Variants in TENM2 observed in about 807,000 individuals in gnomAD.
The protein encoded by TENM2 is teneurin transmembrane protein 2, also known as teneurin-2.
Under a neutral mutation model 245.2 loss-of-function variants are expected in TENM2, and 52 were observed. The ratio of observed to expected loss-of-function variants is 0.21; its 90% CI spans 0.17 to 0.27. The LOEUF is 0.27. Among genes scored for constraint, TENM2 ranks in the 10% least tolerant of loss-of-function variants. The pLI is 1.00. For synonymous variants in TENM2, 1,363 were observed against 1,438.9 expected, an observed-to-expected ratio of 0.95 and a Z score of 1.19; for missense variants, 3,046 against 3,666.8, an observed-to-expected ratio of 0.83 and a Z score of 4.37.
chr5:167,819,697 A>ATGTG (rs1767349474), intron 2 of TENM2, among the ~76,000 whole-genome samples: 2 of 152,202 alleles, frequency 1.3e-5, no homozygotes, highest in Non-Finnish European at 2.9e-5. Flanking sequence ...TAACATGCCC[A>ATGTG]GCTCATAATG....
intron 1 of TENM2, among the ~76,000 whole-genome samples, chr5:167,314,947 C>G (rs1485083763): frequency 6.6e-6 from 1 of 151,610 alleles, no homozygotes; most frequent in African/African-American, 2.4e-5. Flanking sequence ...TCAGTTATAC[C>G]TCAGTCTTAC....
rs186504828 is a variant in TENM2 at position 167,356,290 on chromosome 5, T to C, written c.227-18908T>C. Among the ~76,000 whole-genome samples the C allele has an allele frequency of 2.4e-4, 36 of 151,054 alleles. 1 individual carries two copies. The highest frequency in any genetic ancestry group is 4.0e-4 in the Admixed American group (6 of 15,162). ...TCTATTCTCAGCTCTGTCAGAGATA[T>C]GCTTTGTGACTTCTGGAAAGCCCAG... On this transcript the variant is annotated intron_variant, in intron 1 of 28. Coordinates refer to ENST00000518659, the Ensembl canonical transcript of TENM2.
chr5:167,016,900 G>A, the TENM2 span, among the ~76,000 whole-genome samples: 2 of 152,148 alleles, frequency 1.3e-5, no homozygotes, highest in African/African-American at 4.8e-5. Flanking sequence ...TCTGGAGAAA[G>A]GAAGAATTAT....
At chr5:168,025,662 C>A (rs746978548) in intron 5 of TENM2, among the ~76,000 whole-genome samples, 4 of 152,120 alleles carry the variant, frequency 2.6e-5, no homozygotes, top group Non-Finnish European at 5.9e-5. Context: ...TTCCAAAGAG[C>A]AAACACAACT....
At chr5:167,830,206 G>A (rs1168125749) in intron 2 of TENM2, among the ~76,000 whole-genome samples, 1 of 152,156 alleles carries the variant, frequency 6.6e-6, no homozygotes, top group Non-Finnish European at 1.5e-5. Context: ...TATTTAGAAT[G>A]GACTGGATTG....
At chr5:167,330,601 C>A (rs192606325) in intron 1 of TENM2, among the ~76,000 whole-genome samples, 2,013 of 152,136 alleles carry the variant, frequency 0.013, 49 homozygotes, top group African/African-American at 0.046. Flanking sequence ...TGCTTCCATT[C>A]CACCAAGTGT....
At chr5:167,709,534 G>A (rs56322524) in intron 2 of TENM2, among the ~76,000 whole-genome samples, 11,716 of 152,212 alleles carry the variant, frequency 0.077, 878 homozygotes, top group East Asian at 0.27. Context: ...AAGAGATGGT[G>A]GCGGTCCAGA....
chr5:167,770,454 G>C (rs1763329319), intron 2 of TENM2, among the ~76,000 whole-genome samples: 1 of 152,162 alleles, frequency 6.6e-6, no homozygotes, highest in Non-Finnish European at 1.5e-5. Context: ...TAGGAGCTTT[G>C]TCTTGACTTT....
chr5:168,200,123 A>G, exon 17 of TENM2: 2 of 1,612,704 alleles, frequency 1.2e-6, no homozygotes, highest in South Asian at 1.1e-5. Flanking sequence ...GGACTCTCAG[A>G]TGCTGTTGGT....
At chr5:168,018,413 G>C (rs1440585746) in intron 5 of TENM2, among the ~76,000 whole-genome samples, 1 of 147,892 alleles carries the variant, frequency 6.8e-6, no homozygotes, top group African/African-American at 2.5e-5. Context: ...TTTTTCATAA[G>C]GAAATAAGTA....
At chr5:168,157,334 T>A (rs1674088928) in intron 12 of TENM2, among the ~76,000 whole-genome samples, 1 of 152,146 alleles carries the variant, frequency 6.6e-6, no homozygotes, top group Admixed American at 6.5e-5. Context: ...GCAAGCCCAA[T>A]TAAGGACTTC....
At chr5:167,549,520 T>A (rs888978) in intron 2 of TENM2, among the ~76,000 whole-genome samples, 114,410 of 152,060 alleles carry the variant, frequency 0.75, 43,149 homozygotes, top group East Asian at 0.85. Flanking sequence ...AGATTTCTGT[T>A]TTGGCCTAAT....
chr5:168,099,682 C>T (rs1458859812), intron 9 of TENM2, among the ~76,000 whole-genome samples: 1 of 152,228 alleles, frequency 6.6e-6, no homozygotes, highest in Non-Finnish European at 1.5e-5. Context: ...TCCTTTCCCA[C>T]CCTCACCGCA....
chr5:167,478,133 T>G (rs1236091778), intron 2 of TENM2, among the ~76,000 whole-genome samples: 1 of 152,196 alleles, frequency 6.6e-6, no homozygotes, highest in Non-Finnish European at 1.5e-5. Context: ...GGTTCTTGTA[T>G]ATCGTTGAAG....
the TENM2 span, among the ~76,000 whole-genome samples, chr5:167,080,484 C>A: frequency 6.6e-6 from 1 of 152,120 alleles, no homozygotes; most frequent in African/African-American, 2.4e-5. Context: ...GAAATAGGAA[C>A]AATTTCTTCC....
Position 167,828,559 on chromosome 5 carries a change from T to A in TENM2, c.503-47427T>A, listed in dbSNP as rs1181684433. Among the ~76,000 whole-genome samples the A allele has an allele frequency of 3.3e-5, 5 of 152,350 alleles. No homozygotes were observed. The East Asian group carries it at 9.6e-4, about 29-fold the overall frequency. On this transcript the variant is annotated intron_variant, in intron 2 of 28. Transcript: ENST00000518659. Reference sequence around the variant, plus strand: ...ACTTAATATATCCTGAATAAATATTTGTTTAATGAGTCCTTGAACTCATGT... The same window carrying A: ...ACTTAATATATCCTGAATAAATATTAGTTTAATGAGTCCTTGAACTCATGT...
intron 2 of TENM2, among the ~76,000 whole-genome samples, chr5:167,569,668 T>C (rs989936561): frequency 3.9e-5 from 6 of 152,192 alleles, no homozygotes; most frequent in African/African-American, 1.4e-4. Context: ...TTAGAGGCAA[T>C]GATAAGTCCC....
Position 168,216,720 on chromosome 5 carries a change from A to G in TENM2, c.4079-48A>G, listed in dbSNP as rs540568164. On this transcript the variant is annotated intron_variant, in intron 21 of 28. Coordinates refer to ENST00000518659, the Ensembl canonical transcript of TENM2. ...TCTCATCTCCCACCTCCACCCCGCA[A>G]TCCTACACCTTTCCAAGAGATAAAT... is the stretch of plus-strand genomic sequence containing the variant. 6.2e-6 allele frequency: 10 copies of G among 1,607,672 alleles called. No individual in the cohort carries two copies. In the South Asian group the frequency reaches 1.1e-4, roughly 18 times the overall value.
intron 13 of TENM2, chr5:168,165,756 G>A (rs1315490209): frequency 5.9e-5 from 4 of 68,242 alleles, no homozygotes; most frequent in South Asian, 3.9e-4. Context: ...CTTGTTACGG[G>A]AACTGTTAAA....
Sources: gnomAD v4.1 joint callset for allele counts (sites outside exome capture counted in the v4.1 genomes callset) on GRCh38, gnomAD v4.1.1 for gene constraint, MANE v1.5 for transcripts, NCBI Gene and HGNC (gene_info 2026-07-23, HGNC 2026-07-21) for gene names.